TOPAZ1: variants seen among roughly 807,000 people sequenced by gnomAD.
TOPAZ1 encodes the protein testis and ovary specific TOPAZ 1.
Under a neutral mutation model 172.2 loss-of-function variants are expected in TOPAZ1, and 66 were observed. The observed-to-expected ratio is 0.38, with a 90% CI of 0.31 to 0.47. TOPAZ1 has a LOEUF of 0.47. TOPAZ1 is among the 20% of genes least tolerant of loss of function. TOPAZ1 has a pLI of 0.99. For synonymous variants in TOPAZ1, 681 were observed against 683.9 expected (o/e 1.00, Z 0.07); for missense variants, 1,822 against 1,972.4 (o/e 0.92, Z 1.44).
intron 12 of TOPAZ1, among the ~76,000 whole-genome samples, chr3:44,294,402 C>A (rs572186532): frequency 1.3e-5 from 2 of 152,086 alleles, no homozygotes; most frequent in Non-Finnish European, 2.9e-5. Context: ...GCATGTGAAC[C>A]CAGCTCCAAG....
At chr3:44,310,486 G>A (rs1177669965) in intron 16 of TOPAZ1, among the ~76,000 whole-genome samples, 2 of 151,892 alleles carry the variant, frequency 1.3e-5, no homozygotes, top group East Asian at 1.9e-4. Flanking sequence ...GCAACAGAAC[G>A]AGACTCCATC....
At chr3:44,305,031 T>G (rs1009225903) in intron 13 of TOPAZ1, 116 bp from the exon 14 acceptor site, 2 of 694,142 alleles carry the variant, frequency 2.9e-6, no homozygotes, top group African/African-American at 3.7e-5. Flanking sequence ...AGATTTTGTC[T>G]TATTAATTTA....
At chr3:44,301,919 T>A (rs776751436) in intron 12 of TOPAZ1, among the ~76,000 whole-genome samples, 1 of 152,198 alleles carries the variant, frequency 6.6e-6, no homozygotes, top group Non-Finnish European at 1.5e-5. Flanking sequence ...TTTTATTGCA[T>A]GTGGTTTTGA....
Position 44,287,459 on chromosome 3 carries a change from C to A in TOPAZ1, c.3507C>A (p.Asp1169Glu), listed in dbSNP as rs1427672500. Residue 1169 changes from aspartate (D) to glutamate (E), a missense_variant, in exon 10 of 20, where the codon GAC becomes GAA. Physicochemically the swap from Asp to Glu is conservative, Grantham distance 45. Around this residue, in one of 2 missense-constraint regions of TOPAZ1, gnomAD observed 1,489 missense variants for 1,490.8 expected, o/e 1.00. Coordinates refer to ENST00000309765, the MANE Select transcript of TOPAZ1 (RefSeq NM_001145030.2). ...ACTTTGATTTACAAGTGCTAAATGACCTTCTAAATTCTTTACTCAAACATT... is the reference window on the plus strand; with the variant it reads ...ACTTTGATTTACAAGTGCTAAATGAACTTCTAAATTCTTTACTCAAACATT... ...GVYFDLQVLN[D>E]LLNSLLKHCL... 2.0e-6 allele frequency: 3 copies of A among 1,526,740 alleles called. No individual in the cohort carries two copies. Among genetic ancestry groups the A allele is most frequent in the Non-Finnish European group, 1.8e-6 (2 of 1,133,700 alleles). 94.6% of individuals were successfully genotyped at this position (1,526,740 alleles called of 1,614,324 possible).
chr3:44,244,687 A>G lies in TOPAZ1; in HGVS notation c.2181A>G (p.Arg727=). ...LLDNLSGADV[R]QNRSKENVSM... is the part of the protein sequence containing the mutation. ...ACAATTTATCTGGAGCAGACGTAAG[A>G]CAGAACAGGAGTAAAGAAAATGTCT... The change falls in exon 2 of 20, where the codon AGA becomes AGG. Residue 727 remains arginine, a synonymous_variant. Transcript: ENST00000309765. 6.4e-6 allele frequency: 10 copies of G among 1,551,460 alleles called. No homozygotes were observed. The highest frequency in any genetic ancestry group is 8.7e-6 in the Non-Finnish European group (10 of 1,146,976).
chr3:44,269,602 T>C (rs1225552362), intron 7 of TOPAZ1, among the ~76,000 whole-genome samples: 1 of 149,838 alleles, frequency 6.7e-6, no homozygotes, highest in Non-Finnish European at 1.5e-5. Context: ...ACCAATACTT[T>C]GGACCTTTTG....
chr3:44,295,865 T>G (rs1018512474), intron 12 of TOPAZ1, among the ~76,000 whole-genome samples: 7 of 152,138 alleles, frequency 4.6e-5, no homozygotes, highest in African/African-American at 1.7e-4. Context: ...CCTCCATCAA[T>G]CAACAGGGTT....
chr3:44,320,959 A>C (rs1575735136), intron 16 of TOPAZ1, 68 bp from the exon 17 acceptor site: 1 of 993,332 alleles, frequency 1.0e-6, no homozygotes, highest in East Asian at 2.8e-5. Context: ...TTGAAACATT[A>C]GTTGTGATTA....
chr3:44,296,217 A>G (rs927429208), intron 12 of TOPAZ1, among the ~76,000 whole-genome samples: 4 of 152,220 alleles, frequency 2.6e-5, no homozygotes, highest in Admixed American at 6.5e-5. Context: ...AGCAATCCTG[A>G]GAGGAAAATC....
chr3:44,242,861 A>C lies in TOPAZ1; in HGVS notation c.355A>C (p.Lys119Gln). ...PLQTERHTKE[K>Q]RKVTEASSDD... is the part of the protein sequence containing the mutation. The stretch of plus-strand genomic sequence containing the variant: ...TTTGTTGTTTTGATCAGCCAAGGAA[A>C]AAAGAAAAGTTACTGAAGCCTCAAG... The change falls in exon 2 of 20, where the codon AAA becomes CAA. Residue 119 changes from lysine to glutamine, a missense_variant. Lys to Gln is a moderately conservative substitution (Grantham distance 53). Transcript: ENST00000309765. The C allele has an allele frequency of 1.3e-6, 2 of 1,500,720 alleles. No homozygotes were observed. The highest frequency in any genetic ancestry group is 1.8e-6 in the Non-Finnish European group (2 of 1,129,002). 93.0% of individuals were successfully genotyped at this position (1,500,720 alleles called of 1,614,324 possible). A position where few individuals can be genotyped will look rare whatever the true frequency, so the allele number is the denominator to read the frequency against.
chr3:44,336,422 C>T (rs1417775293), downstream of TOPAZ1, among the ~76,000 whole-genome samples: 1 of 152,172 alleles, frequency 6.6e-6, no homozygotes, highest in Non-Finnish European at 1.5e-5. Flanking sequence ...AGCTGAATAA[C>T]TGTCCCGTGT....
At chr3:44,330,095 C>A (rs1009904678) in intron 19 of TOPAZ1, among the ~76,000 whole-genome samples, 2 of 152,152 alleles carry the variant, frequency 1.3e-5, no homozygotes, top group African/African-American at 4.8e-5. Flanking sequence ...TTGATCCAGT[C>A]CACACTTAAG....
At chr3:44,324,958 T>C (rs1197214039) in intron 18 of TOPAZ1, among the ~76,000 whole-genome samples, 2 of 152,206 alleles carry the variant, frequency 1.3e-5, no homozygotes, top group Non-Finnish European at 2.9e-5. Flanking sequence ...CCTTATTTCA[T>C]ATGCAGTGTA....
intron 8 of TOPAZ1, among the ~76,000 whole-genome samples, 200 bp downstream of exon 8, chr3:44,271,010 A>G (rs1050380253): frequency 6.6e-6 from 1 of 152,138 alleles, no homozygotes; most frequent in Non-Finnish European, 1.5e-5. Context: ...CCTATTGTAG[A>G]TGTTTCTCAT....
intron 8 of TOPAZ1, among the ~76,000 whole-genome samples, chr3:44,281,316 C>T (rs540877483): frequency 6.6e-6 from 1 of 152,348 alleles, no homozygotes; most frequent in Non-Finnish European, 1.5e-5. Context: ...GGTCTTCAGG[C>T]ATTTAATACC....
At chr3:44,251,526 GT>G (rs1303584075) in intron 2 of TOPAZ1, among the ~76,000 whole-genome samples, 1 of 152,126 alleles carries the variant, frequency 6.6e-6, no homozygotes, top group Admixed American at 6.5e-5. Flanking sequence ...ATAAAGATCT[GT>G]TTTATATTAC....
chr3:44,260,886 C>A (rs906296331), intron 4 of TOPAZ1, among the ~76,000 whole-genome samples: 6 of 152,068 alleles, frequency 3.9e-5, no homozygotes, highest in Admixed American at 3.9e-4. Context: ...AATTAACTAG[C>A]CAGTTGTTCT....
At chr3:44,322,675 T>C (rs1001190387) in intron 17 of TOPAZ1, among the ~76,000 whole-genome samples, 3 of 152,134 alleles carry the variant, frequency 2.0e-5, no homozygotes, top group Non-Finnish European at 4.4e-5. Context: ...TCAGACGATA[T>C]GGGCGTGTTC....
At position 44,253,978 on chromosome 3, in the gene TOPAZ1, T is replaced by C. The variant is rs184446676; in HGVS notation, c.2766-990T>C. Among the ~76,000 whole-genome samples the C allele has an allele frequency of 4.5e-3, 679 of 152,334 alleles. 4 individuals carry two copies. The highest frequency in any genetic ancestry group is 0.015 in the South Asian group (72 of 4,824). Reference sequence around the variant, plus strand: ...AAATTTTTGTCTAAGTGATTAAAAATGGAATAGTGTTTGGCCATTTGTATT... The same window carrying C: ...AAATTTTTGTCTAAGTGATTAAAAACGGAATAGTGTTTGGCCATTTGTATT... On this transcript the variant is annotated intron_variant, in intron 2 of 19. Transcript: ENST00000309765.
Sources: gnomAD v4.1 joint callset for allele counts (sites outside exome capture counted in the v4.1 genomes callset) on GRCh38, gnomAD v4.1.1 for gene constraint, gnomAD v4.1.1 regional missense constraint, MANE v1.5 for transcripts, NCBI Gene and HGNC (gene_info 2026-07-23, HGNC 2026-07-21) for gene names.